The following CACNA2D3 variants were observed in gnomAD, a reference collection of about 807,000 sequenced individuals.
CACNA2D3 encodes calcium voltage-gated channel auxiliary subunit alpha2delta 3.
Under a neutral mutation model 160.6 loss-of-function variants are expected in CACNA2D3, and 60 were observed. The ratio of observed to expected loss-of-function variants is 0.37; its 90% CI spans 0.30 to 0.46. The LOEUF is 0.46. Among genes scored for constraint, CACNA2D3 ranks in the 20% least tolerant of loss-of-function variants. CACNA2D3 has a pLI of 1.00. For synonymous variants in CACNA2D3, 558 were observed against 492.9 expected (o/e 1.13, Z -1.75); for missense variants, 1,205 against 1,365.0 (o/e 0.88, Z 1.85).
intron 3 of CACNA2D3, among the ~76,000 whole-genome samples, chr3:54,347,278 A>T (rs1288701465): frequency 6.6e-6 from 1 of 152,152 alleles, no homozygotes; most frequent in African/African-American, 2.4e-5. Flanking sequence ...GCTATGATTA[A>T]ACCTCCATCT....
At chr3:54,220,576 T>A (rs1701548633) in intron 2 of CACNA2D3, among the ~76,000 whole-genome samples, 1 of 152,114 alleles carries the variant, frequency 6.6e-6, no homozygotes, top group Non-Finnish European at 1.5e-5. Context: ...CCCAGCAGCC[T>A]CTTCCAGGCT....
intron 2 of CACNA2D3, among the ~76,000 whole-genome samples, chr3:54,241,470 C>G (rs1264079082): frequency 2.0e-5 from 3 of 152,160 alleles, no homozygotes; most frequent in Non-Finnish European, 2.9e-5. Context: ...TCTAAGAAAG[C>G]CTATTAATCA....
At chr3:54,149,267 G>GCACACACACACA (rs3060363) in intron 2 of CACNA2D3, among the ~76,000 whole-genome samples, 7,041 of 144,292 alleles carry the variant, frequency 0.049, 204 homozygotes, top group African/African-American at 0.061. Context: ...GGTCCCATGT[G>GCACACACACACA]CACACACACA....
intron 5 of CACNA2D3, among the ~76,000 whole-genome samples, chr3:54,520,786 C>T (rs559358894): frequency 1.3e-5 from 2 of 152,292 alleles, no homozygotes; most frequent in South Asian, 2.1e-4. Context: ...ATTCACCCCA[C>T]CCCTAAGCAA....
chr3:54,848,493 A>T (rs1698983850), intron 17 of CACNA2D3, among the ~76,000 whole-genome samples: 1 of 152,192 alleles, frequency 6.6e-6, no homozygotes, highest in African/African-American at 2.4e-5. Context: ...CTGATCCATG[A>T]CAAGAACATA....
At chr3:54,703,891 A>G (rs1456615314) in intron 11 of CACNA2D3, among the ~76,000 whole-genome samples, 1 of 152,208 alleles carries the variant, frequency 6.6e-6, no homozygotes, top group Non-Finnish European at 1.5e-5. Flanking sequence ...TTAACTACTC[A>G]AGGAATCTTG....
intron 5 of CACNA2D3, among the ~76,000 whole-genome samples, chr3:54,543,882 A>G (rs2106669725): frequency 1.3e-5 from 2 of 152,322 alleles, no homozygotes; most frequent in East Asian, 3.9e-4. Context: ...GTTTTTGCTA[A>G]TAGTTTTGGA....
intron 2 of CACNA2D3, among the ~76,000 whole-genome samples, chr3:54,312,782 A>G (rs73081609): frequency 0.087 from 13,308 of 152,258 alleles, 795 homozygotes; most frequent in South Asian, 0.13. Context: ...GAGAGAATAC[A>G]AAGTTTCTCA....
chr3:54,853,943 C>G (rs918689905), intron 17 of CACNA2D3, among the ~76,000 whole-genome samples: 1 of 152,088 alleles, frequency 6.6e-6, no homozygotes, highest in African/African-American at 2.4e-5. Context: ...GGATCTGTTG[C>G]CAGCCTCCTG....
intron 35 of CACNA2D3, among the ~76,000 whole-genome samples, chr3:55,062,902 T>C (rs1312114894): frequency 6.6e-6 from 1 of 152,216 alleles, no homozygotes; most frequent in Admixed American, 6.5e-5. Flanking sequence ...CTATCCTTTG[T>C]GTAGCCTAGA....
intron 4 of CACNA2D3, among the ~76,000 whole-genome samples, chr3:54,424,649 C>T (rs1341492451): frequency 6.6e-6 from 1 of 152,142 alleles, no homozygotes; most frequent in African/African-American, 2.4e-5. Flanking sequence ...GCTCTGTACT[C>T]TGGGGATGGA....
At chr3:54,532,749 C>A (rs182049555) in intron 5 of CACNA2D3, among the ~76,000 whole-genome samples, 2 of 152,232 alleles carry the variant, frequency 1.3e-5, no homozygotes, top group Admixed American at 1.3e-4. Flanking sequence ...GCGAATAGTG[C>A]TGCAATAAAC....
rs554695097 is a variant in CACNA2D3 at position 54,473,135 on chromosome 3, C to G, written c.382-30357C>G. ...TCATGCTACCTTACTTCAAACTATA[C>G]TACAAGACTACAGTAACCAAAACAG... On this transcript the variant is annotated intron_variant, in intron 4 of 37. Coordinates refer to ENST00000474759, the MANE Select transcript of CACNA2D3 (RefSeq NM_018398.3). Among the ~76,000 whole-genome samples the G allele has an allele frequency of 3.9e-5, 6 of 152,290 alleles. No homozygotes were observed. In the South Asian group the frequency reaches 1.0e-3, roughly 26 times the overall value.
intron 3 of CACNA2D3, among the ~76,000 whole-genome samples, chr3:54,330,118 G>A (rs562830064): frequency 6.6e-6 from 1 of 152,138 alleles, no homozygotes; most frequent in African/African-American, 2.4e-5. Context: ...CACATCCCAG[G>A]CTTACTGGCA....
In CACNA2D3 at chr3:54,918,967, A is replaced by C. The variant is rs1700752297; in HGVS notation, c.2449+19099A>C. ...GTTCCAAAATCCTCTGCCTGCAAAA[A>C]CTTAGGCAGATGGAATTTATGAAGT... On this transcript the variant is annotated intron_variant, in intron 27 of 37. Coordinates refer to ENST00000474759, the MANE Select transcript of CACNA2D3 (RefSeq NM_018398.3). 2.4e-6 allele frequency: 3 copies of C among 1,259,152 alleles called. No homozygotes were observed. The Admixed American group carries it at 8.8e-5, about 37-fold the overall frequency. 78.0% of individuals were successfully genotyped at this position (1,259,152 alleles called of 1,614,324 possible).
chr3:54,829,048 A>T (rs1196017347), intron 14 of CACNA2D3, among the ~76,000 whole-genome samples: 4 of 152,244 alleles, frequency 2.6e-5, no homozygotes, highest in African/African-American at 9.6e-5. Context: ...CCTTAAGATT[A>T]TCACTAAAAG....
At chr3:54,230,107 A>G (rs985491850) in intron 2 of CACNA2D3, among the ~76,000 whole-genome samples, 1 of 151,392 alleles carries the variant, frequency 6.6e-6, no homozygotes, top group Non-Finnish European at 1.5e-5. Flanking sequence ...GCTTACACAC[A>G]GTGCTATTAA....
chr3:54,790,997 A>G (rs1702744157), intron 13 of CACNA2D3, among the ~76,000 whole-genome samples: 2 of 151,322 alleles, frequency 1.3e-5, no homozygotes, highest in Non-Finnish European at 2.9e-5. Flanking sequence ...CCATTGGCCT[A>G]TCGGTACTTC....
chr3:54,348,465 C>G (rs1281518440), intron 3 of CACNA2D3, among the ~76,000 whole-genome samples: 1 of 152,222 alleles, frequency 6.6e-6, no homozygotes, highest in Non-Finnish European at 1.5e-5. Context: ...GTTCTGTTAT[C>G]TACAATATTG....
Sources: gnomAD v4.1 joint callset for allele counts (sites outside exome capture counted in the v4.1 genomes callset) on GRCh38, gnomAD v4.1.1 for gene constraint, MANE v1.5 for transcripts, NCBI Gene and HGNC (gene_info 2026-07-23, HGNC 2026-07-21) for gene names.